CSMD1: variants seen among roughly 807,000 people sequenced by gnomAD.
The protein encoded by CSMD1 is CUB and sushi domain-containing protein 1.
Under a neutral mutation model 417.5 loss-of-function variants are expected in CSMD1, and 213 were observed. The observed-to-expected ratio is 0.51, with a 90% CI of 0.46 to 0.57. The LOEUF is 0.57. Ranked by LOEUF, CSMD1 falls within the 20% of genes least tolerant of loss-of-function variation. The pLI is 0.00. For missense variants in CSMD1, 6,923 were observed against 4,529.7 expected, an observed-to-expected ratio of 1.53 and a Z score of -15.17; for synonymous variants, 2,862 against 1,736.8, an observed-to-expected ratio of 1.65 and a Z score of -16.11.
chr8:4,294,717 T>C (rs1257354511), intron 3 of CSMD1, among the ~76,000 whole-genome samples: 1 of 152,180 alleles, frequency 6.6e-6, no homozygotes, highest in East Asian at 1.9e-4. Context: ...TCTCTTCTCA[T>C]ATAATCTATT....
At chr8:4,459,455 G>A (rs899424292) in intron 2 of CSMD1, among the ~76,000 whole-genome samples, 3 of 152,168 alleles carry the variant, frequency 2.0e-5, no homozygotes, top group Non-Finnish European at 4.4e-5. Flanking sequence ...TTTTTCCCAA[G>A]AGGAGAGATA....
At chr8:2,954,571 G>T (rs1376648077) in intron 64 of CSMD1, among the ~76,000 whole-genome samples, 2 of 152,064 alleles carry the variant, frequency 1.3e-5, no homozygotes, top group African/African-American at 2.4e-5. Context: ...CTTGTATCCT[G>T]TTTGGAATAC....
At chr8:4,711,849 T>A (rs998572749) in intron 1 of CSMD1, among the ~76,000 whole-genome samples, 3 of 152,220 alleles carry the variant, frequency 2.0e-5, no homozygotes, top group African/African-American at 7.2e-5. Flanking sequence ...ATCATAATAA[T>A]GATCTTTGTT....
chr8:3,831,393 C>A (rs1268605142), intron 5 of CSMD1, among the ~76,000 whole-genome samples: 1 of 152,096 alleles, frequency 6.6e-6, no homozygotes, highest in African/African-American at 2.4e-5. Context: ...ACAAATGATT[C>A]TTGGAACTGC....
chr8:4,717,561 T>C (rs1808758518), intron 1 of CSMD1, among the ~76,000 whole-genome samples: 1 of 126,586 alleles, frequency 7.9e-6, no homozygotes, highest in South Asian at 2.4e-4. Context: ...TATCTATCTA[T>C]CTATCCATCC....
At chr8:4,367,989 G>A (rs189533122) in intron 3 of CSMD1, among the ~76,000 whole-genome samples, 7 of 152,056 alleles carry the variant, frequency 4.6e-5, no homozygotes, top group East Asian at 3.9e-4. Context: ...GAGTTACATT[G>A]TCAGTGAAGT....
intron 3 of CSMD1, among the ~76,000 whole-genome samples, chr8:4,399,269 A>T (rs973645480): frequency 1.3e-5 from 2 of 152,232 alleles, no homozygotes; most frequent in South Asian, 4.1e-4. Context: ...CAAAAACAGC[A>T]ACAAAGGACC....
chr8:4,251,456 T>A (rs1276317220), intron 3 of CSMD1, among the ~76,000 whole-genome samples: 5 of 152,170 alleles, frequency 3.3e-5, no homozygotes, highest in Non-Finnish European at 7.3e-5. Flanking sequence ...TTAAGGCCCC[T>A]ACACCATGCA....
At chr8:4,173,017 T>C (rs540956703) in intron 3 of CSMD1, among the ~76,000 whole-genome samples, 1 of 152,140 alleles carries the variant, frequency 6.6e-6, no homozygotes, top group East Asian at 1.9e-4. Context: ...AATAAATGCT[T>C]GGTATTTTAG....
chr8:4,703,358 C>A (rs2116828883), intron 1 of CSMD1, among the ~76,000 whole-genome samples: 1 of 152,262 alleles, frequency 6.6e-6, no homozygotes, highest in South Asian at 2.1e-4. Flanking sequence ...GCAAAGATCT[C>A]CCTTTCTCTA....
Position 3,246,665 on chromosome 8 carries a change from T to C in CSMD1, c.4154-16434A>G, listed in dbSNP as rs1255954249. Among the ~76,000 whole-genome samples, 4 of 152,186 alleles carry C rather than the reference T, an allele frequency of 2.6e-5. No individual in the cohort carries two copies. In the East Asian group the frequency reaches 5.8e-4, roughly 22 times the overall value. ...TTTTGAATTTTTGAAAGAGACGGGG[T>C]TTTGCCATGTTGGCCATGCTGGCCT... On this transcript the variant is annotated intron_variant, in intron 26 of 69. Transcript: ENST00000635120.
intron 69 of CSMD1, among the ~76,000 whole-genome samples, chr8:2,940,762 T>C (rs1011712807): frequency 5.9e-5 from 9 of 152,206 alleles, no homozygotes; most frequent in Non-Finnish European, 8.8e-5. Flanking sequence ...CCCAGTCTTA[T>C]ATGAAGGTTT....
chr8:3,759,273 C>G (rs554955485), intron 5 of CSMD1, among the ~76,000 whole-genome samples: 1 of 152,018 alleles, frequency 6.6e-6, no homozygotes, highest in Non-Finnish European at 1.5e-5. Context: ...AACAGAAATA[C>G]GGCCTGTTAA....
chr8:4,039,387 G>A (rs543172037), intron 3 of CSMD1, among the ~76,000 whole-genome samples: 2 of 152,184 alleles, frequency 1.3e-5, no homozygotes, highest in East Asian at 3.8e-4. Context: ...GCTTTGGGAA[G>A]GATTAGAAAA....
At chr8:4,075,944 A>G (rs888155232) in intron 3 of CSMD1, among the ~76,000 whole-genome samples, 2 of 152,170 alleles carry the variant, frequency 1.3e-5, no homozygotes, top group African/African-American at 4.8e-5. Context: ...AAAATAAATC[A>G]GTACTCTTTC....
intron 5 of CSMD1, among the ~76,000 whole-genome samples, chr8:3,800,640 T>A (rs1051317042): frequency 6.6e-6 from 1 of 152,206 alleles, no homozygotes; most frequent in African/African-American, 2.4e-5. Context: ...ATTTGGGTTA[T>A]GCAGACAGAA....
chr8:4,605,766 T>C (rs1800834941), intron 2 of CSMD1, among the ~76,000 whole-genome samples: 1 of 152,210 alleles, frequency 6.6e-6, no homozygotes, highest in African/African-American at 2.4e-5. Flanking sequence ...CAATTTACGC[T>C]GCCATTGCAA....
At chr8:3,249,072 C>G (rs959144437) in intron 26 of CSMD1, among the ~76,000 whole-genome samples, 2 of 152,102 alleles carry the variant, frequency 1.3e-5, no homozygotes, top group East Asian at 3.8e-4. Context: ...ACAGTGGGTT[C>G]TCAAAAAATG....
chr8:3,728,237 C>G lies in CSMD1; in HGVS notation c.932-19746G>C, dbSNP rs372082168. Among the ~76,000 whole-genome samples, 5 of 152,100 alleles carry G rather than the reference C, an allele frequency of 3.3e-5. No individual in the cohort carries two copies. In the East Asian group the frequency reaches 7.7e-4, roughly 24 times the overall value. ...CTGATGGTTTTACAAAGGGAAACCC[C>G]TTTCTCTTGGTTCTTATTCTCTCTT... is the stretch of plus-strand genomic sequence containing the variant. On this transcript the variant is annotated intron_variant, in intron 6 of 69. Transcript: ENST00000635120.
Sources: gnomAD v4.1 joint callset for allele counts (sites outside exome capture counted in the v4.1 genomes callset) on GRCh38, gnomAD v4.1.1 for gene constraint, MANE v1.5 for transcripts, NCBI Gene and HGNC (gene_info 2026-07-23, HGNC 2026-07-21) for gene names.